PTGR3: variants seen among roughly 807,000 people sequenced by gnomAD.
PTGR3 encodes the protein zinc binding alcohol dehydrogenase domain containing 2.
chr18:75,206,875 T>G, the PTGR3 span, among the ~76,000 whole-genome samples: 1 of 152,100 alleles, frequency 6.6e-6, no homozygotes, highest in African/African-American at 2.4e-5. Flanking sequence ...ACCACAAAAT[T>G]CAGGGATCCA....
chr18:75,203,660 C>T, the PTGR3 span, among the ~76,000 whole-genome samples: 1 of 152,138 alleles, frequency 6.6e-6, no homozygotes, highest in South Asian at 2.1e-4. Flanking sequence ...CAATTCCATA[C>T]CCGTGGAAGA....
the PTGR3 span, chr18:75,196,805 C>T: frequency 6.6e-6 from 1 of 152,002 alleles, no homozygotes; most frequent in Admixed American, 6.6e-5. Context: ...GAGTGAGCAC[C>T]AATGGGCAGG....
At chr18:75,197,659 G>A in the PTGR3 span, 6 of 152,290 alleles carry the variant, frequency 3.9e-5, no homozygotes, top group East Asian at 1.2e-3. Flanking sequence ...GATCATAAAT[G>A]TTTAATTCTG....
chr18:75,209,097 C>T, the PTGR3 span: 2 of 1,434,004 alleles, frequency 1.4e-6, no homozygotes, highest in South Asian at 1.5e-5. This position sits in a 1 kb window ranked among gnomAD's most constrained non-coding sequence, Gnocchi z 4.7. Flanking sequence ...CGACGCTGGC[C>T]GGGGTCGGCC....
the PTGR3 span, chr18:75,201,262 G>A: frequency 1.1e-5 from 7 of 631,954 alleles, no homozygotes; most frequent in Admixed American, 3.3e-5. Flanking sequence ...AAGAGGAGGA[G>A]GAGGAGGAGA....
the PTGR3 span, chr18:75,195,138 T>C: frequency 2.0e-5 from 3 of 152,244 alleles, no homozygotes; most frequent in Non-Finnish European, 4.4e-5. Flanking sequence ...TTATTTGATT[T>C]GTAAGAACAC....
At chr18:75,207,627 C>T in the PTGR3 span, among the ~76,000 whole-genome samples, 44 of 151,684 alleles carry the variant, frequency 2.9e-4, 1 homozygote, top group East Asian at 7.8e-3. Context: ...CCCGCCTCCA[C>T]ACAATCCTAC....
chr18:75,202,024 C>CT, the PTGR3 span: 1 of 1,614,182 alleles, frequency 6.2e-7, no homozygotes, highest in Non-Finnish European at 8.5e-7. Context: ...GTCACCAAAA[C>CT]TTTTTTCCCT....
At chr18:75,200,598 G>C in the PTGR3 span, 2 of 152,186 alleles carry the variant, frequency 1.3e-5, no homozygotes, top group South Asian at 4.2e-4. Flanking sequence ...CGTGTTTTGT[G>C]GTGAACCCCC....
the PTGR3 span, chr18:75,208,891 C>G: frequency 1.5e-5 from 24 of 1,557,656 alleles, no homozygotes; most frequent in Non-Finnish European, 1.9e-5. Context: ...GGAGCGGCAC[C>G]GGGCAGTCCC....
the PTGR3 span, chr18:75,195,925 A>C: frequency 6.6e-6 from 1 of 152,148 alleles, no homozygotes; most frequent in Non-Finnish European, 1.5e-5. Flanking sequence ...AAAAAACAAA[A>C]ACACAAATTG....
At chr18:75,206,350 A>G in the PTGR3 span, among the ~76,000 whole-genome samples, 1 of 152,254 alleles carries the variant, frequency 6.6e-6, no homozygotes, top group Non-Finnish European at 1.5e-5. Flanking sequence ...TCAGAGCACA[A>G]TTAAAACCAC....
At chr18:75,200,428 T>C in the PTGR3 span, 2 of 152,246 alleles carry the variant, frequency 1.3e-5, no homozygotes, top group Admixed American at 6.5e-5. Context: ...GCATAGCTTC[T>C]AGTTCGAACG....
At chr18:75,205,708 C>T in the PTGR3 span, among the ~76,000 whole-genome samples, 1 of 149,944 alleles carries the variant, frequency 6.7e-6, no homozygotes, top group African/African-American at 2.5e-5. Flanking sequence ...CCAAACCAGA[C>T]CTGCCTTAAG....
the PTGR3 span, chr18:75,208,804 C>T: frequency 1.4e-6 from 2 of 1,379,382 alleles, no homozygotes; most frequent in Admixed American, 3.2e-5. Flanking sequence ...GCGGCGCGAG[C>T]CCGGGGCGAG....
At chr18:75,197,652 C>T in the PTGR3 span, 9 of 152,296 alleles carry the variant, frequency 5.9e-5, no homozygotes, top group East Asian at 1.7e-3. Flanking sequence ...GAAATATGAT[C>T]ATAAATGTTT....
At chr18:75,204,460 G>C in the PTGR3 span, among the ~76,000 whole-genome samples, 2 of 152,216 alleles carry the variant, frequency 1.3e-5, no homozygotes, top group Non-Finnish European at 2.9e-5. Context: ...TTTGCCAGGG[G>C]CCTTTGCTTG....
chr18:75,209,132 T>G, the PTGR3 span: 7 of 1,275,218 alleles, frequency 5.5e-6, no homozygotes, highest in Admixed American at 8.6e-5. The surrounding 1 kb of genome is among the most constrained non-coding windows in gnomAD (Gnocchi z 4.7). Flanking sequence ...TCGGCTCGGC[T>G]GTGCTCTGCT....
chr18:75,195,398 T>A, the PTGR3 span: 1 of 152,158 alleles, frequency 6.6e-6, no homozygotes, highest in African/African-American at 2.4e-5. Flanking sequence ...AAACCCCTAG[T>A]CAGCCGTATC....
Sources: allele counts gnomAD v4.1 joint callset (sites outside exome capture counted in the v4.1 genomes callset), GRCh38; gene constraint gnomAD v4.1.1; non-coding constraint Gnocchi (gnomAD v3.1); transcripts MANE v1.5; gene names NCBI Gene and HGNC (gene_info 2026-07-23, HGNC 2026-07-21).